Variants in SLC16A10 observed in about 807,000 individuals in gnomAD.
The protein encoded by SLC16A10 is monocarboxylate transporter 10.
SLC16A10 carries 27 observed loss-of-function variants against 40.0 expected under a neutral mutation model. The observed-to-expected ratio is 0.67, with a 90% CI of 0.50 to 0.93. SLC16A10 has a LOEUF of 0.93. SLC16A10 is among the 40% of genes least tolerant of loss of function. The pLI, the probability that SLC16A10 is intolerant of heterozygous loss-of-function variation, is 0.00. For synonymous variants in SLC16A10, 213 were observed against 249.8 expected, an observed-to-expected ratio of 0.85 and a Z score of 1.39; for missense variants, 529 against 658.2, an observed-to-expected ratio of 0.80 and a Z score of 2.15.
chr6:111,172,972 T>C (rs1772614455), intron 2 of SLC16A10, 133 bp downstream of exon 2: 1 of 1,133,032 alleles, frequency 8.8e-7, no homozygotes. Flanking sequence ...ATATGACTTA[T>C]AAAACAAACT....
intron 1 of SLC16A10, among the ~76,000 whole-genome samples, chr6:111,162,946 T>C (rs1451005990): frequency 1.3e-5 from 2 of 151,944 alleles, no homozygotes; most frequent in Non-Finnish European, 1.5e-5. Context: ...TATTCCAATG[T>C]CACAATCTCC....
intron 2 of SLC16A10, among the ~76,000 whole-genome samples, chr6:111,175,129 G>C (rs1198150756): frequency 6.6e-6 from 1 of 152,182 alleles, no homozygotes; most frequent in Non-Finnish European, 1.5e-5. Flanking sequence ...TCTGCCTTCT[G>C]AGGAAAACCT....
chr6:111,214,963 C>G (rs1449953761), intron 4 of SLC16A10, among the ~76,000 whole-genome samples: 1 of 151,652 alleles, frequency 6.6e-6, no homozygotes, highest in Non-Finnish European at 1.5e-5. Context: ...ACTAAAAATA[C>G]AAAAAAGTAG....
chr6:111,182,342 C>T (rs57544601), intron 3 of SLC16A10, among the ~76,000 whole-genome samples: 1,466 of 91,870 alleles, frequency 0.016, 17 homozygotes, highest in African/African-American at 0.05. Flanking sequence ...TCCTTTTTAA[C>T]GGCTCCTCTG....
chr6:111,094,083 C>T (rs572844149), intron 1 of SLC16A10, among the ~76,000 whole-genome samples: 1 of 152,128 alleles, frequency 6.6e-6, no homozygotes, highest in Non-Finnish European at 1.5e-5. Flanking sequence ...CCCAATTAGC[C>T]AAAATGAAAA....
chr6:111,170,330 A>G (rs973235985), intron 1 of SLC16A10, among the ~76,000 whole-genome samples: 1 of 152,204 alleles, frequency 6.6e-6, no homozygotes, highest in Admixed American at 6.5e-5. Flanking sequence ...CTTAATTATA[A>G]AAGTTGCTTT....
In SLC16A10 at chr6:111,229,986, G is replaced by GTTTTTTTTTTTTTTT. The variant is rs1771077889; in HGVS notation, c.*7754_*7755insTTTTTTTTTTTTTTT. 1 of 23,634 alleles carries GTTTTTTTTTTTTTTT rather than the reference G, an allele frequency of 4.2e-5. No homozygotes were observed. 1.5% of individuals were successfully genotyped at this position (23,634 alleles called of 1,614,324 possible). ...ATGACAGGTTTCTTTTTCTTTCTTT[G>GTTTTTTTTTTTTTTT]TTTCTTTTTTTTTTTTTTTTTTGAG... On this transcript the variant is annotated 3_prime_UTR_variant, in exon 6 of 6. Coordinates refer to ENST00000368851, the MANE Select transcript of SLC16A10 (RefSeq NM_018593.5).
At position 111,225,462 on chromosome 6, in the gene SLC16A10, A is replaced by T. The variant is rs960482196; in HGVS notation, c.*3227A>T. 1 of 151,450 alleles carries T rather than the reference A, an allele frequency of 6.6e-6. No homozygotes were observed. The highest frequency in any genetic ancestry group is 2.4e-5 in the African/African-American group (1 of 41,160). 9.4% of individuals were successfully genotyped at this position (151,450 alleles called of 1,614,324 possible). On this transcript the variant is annotated 3_prime_UTR_variant, in exon 6 of 6. Coordinates refer to ENST00000368851, the MANE Select transcript of SLC16A10 (RefSeq NM_018593.5). ...TCCCAGCTACTCGGGAAGCTGAGGC[A>T]GGAGAAGAATCCAGGAGGCAGAGGT...
Position 111,226,276 on chromosome 6 carries a change from C to T in SLC16A10, c.*4041C>T, listed in dbSNP as rs557612174. ...CTAAGGTTTCATTAAATCTTAGTTC[C>T]GAGAGCCCAGCATGAAGGGTGACTG... On this transcript the variant is annotated 3_prime_UTR_variant, in exon 6 of 6. Transcript: ENST00000368851. 5.3e-5 allele frequency: 8 copies of T among 151,996 alleles called. No individual in the cohort carries two copies. The highest frequency in any genetic ancestry group is 2.1e-4 in the South Asian group (1 of 4,808). 9.4% of individuals were successfully genotyped at this position (151,996 alleles called of 1,614,324 possible). A position where few individuals can be genotyped will look rare whatever the true frequency, so the allele number is the denominator to read the frequency against.
intron 1 of SLC16A10, among the ~76,000 whole-genome samples, chr6:111,131,655 G>C (rs1453680383): frequency 3.3e-5 from 5 of 152,196 alleles, no homozygotes; most frequent in Non-Finnish European, 7.4e-5. Flanking sequence ...GTCTGGGGAA[G>C]GGCTGTCTAA....
chr6:111,150,709 C>T (rs1322628309), intron 1 of SLC16A10, among the ~76,000 whole-genome samples: 1 of 152,160 alleles, frequency 6.6e-6, no homozygotes, highest in Non-Finnish European at 1.5e-5. Flanking sequence ...TACCAAAGGC[C>T]TCAATCAGAC....
At chr6:111,153,636 G>A (rs2114518406) in intron 1 of SLC16A10, among the ~76,000 whole-genome samples, 1 of 152,300 alleles carries the variant, frequency 6.6e-6, no homozygotes, top group South Asian at 2.1e-4. Context: ...TAAGGCTGGG[G>A]TATGAATCTA....
intron 1 of SLC16A10, among the ~76,000 whole-genome samples, chr6:111,103,939 G>A (rs1308868439): frequency 1.3e-5 from 2 of 152,208 alleles, no homozygotes; most frequent in Non-Finnish European, 2.9e-5. Context: ...TATGATGTGT[G>A]TGTTTTAGGT....
chr6:111,107,432 G>A (rs762901406), intron 1 of SLC16A10, among the ~76,000 whole-genome samples: 2 of 152,114 alleles, frequency 1.3e-5, no homozygotes, highest in Non-Finnish European at 2.9e-5. Flanking sequence ...AGTTTATGGG[G>A]ACAATACTCT....
Position 111,087,621 on chromosome 6 carries a change from C to A in SLC16A10, c.-132C>A. 1 of 445,326 alleles carries A rather than the reference C, an allele frequency of 2.2e-6. No individual in the cohort carries two copies. Among genetic ancestry groups the A allele is most frequent in the Non-Finnish European group, 3.4e-6 (1 of 294,590 alleles). 27.6% of individuals were successfully genotyped at this position (445,326 alleles called of 1,614,324 possible). ...GCCGCCTGCGCGCTGCCAGCCCGCC[C>A]GCCCGCCAGGGGCTCCGCCGCCCTC... On this transcript the variant is annotated 5_prime_UTR_variant, in exon 1 of 6. Transcript: ENST00000368851.
intron 2 of SLC16A10, 23 bp from the exon 3 acceptor site, chr6:111,177,189 C>CCAT: frequency 7.1e-7 from 1 of 1,407,532 alleles, no homozygotes; most frequent in African/African-American, 1.4e-5. Context: ...AAGCTGCTTT[C>CCAT]CATCTTTTTC....
chr6:111,209,212 T>A (rs1234382161), intron 4 of SLC16A10, among the ~76,000 whole-genome samples: 1 of 151,974 alleles, frequency 6.6e-6, no homozygotes, highest in Non-Finnish European at 1.5e-5. Flanking sequence ...CTCTAAAATT[T>A]AGAGAAAAAG....
At chr6:111,186,964 T>A (rs538091136) in intron 3 of SLC16A10, among the ~76,000 whole-genome samples, 2 of 152,276 alleles carry the variant, frequency 1.3e-5, no homozygotes, top group South Asian at 4.1e-4. Context: ...TGTTATGCAA[T>A]CCCTGTATCT....
intron 3 of SLC16A10, among the ~76,000 whole-genome samples, chr6:111,184,455 A>G (rs1772858084): frequency 6.6e-6 from 1 of 152,064 alleles, no homozygotes; most frequent in Non-Finnish European, 1.5e-5. Flanking sequence ...CAATTAGGTG[A>G]ACTTCAAGTC....
Sources: allele counts gnomAD v4.1 joint callset (sites outside exome capture counted in the v4.1 genomes callset), GRCh38; gene constraint gnomAD v4.1.1; transcripts MANE v1.5; gene names NCBI Gene and HGNC (gene_info 2026-07-23, HGNC 2026-07-21).